PEBP4: variants seen among roughly 807,000 people sequenced by gnomAD.
PEBP4 encodes the protein phosphatidylethanolamine-binding protein 4.
PEBP4 carries 22 observed loss-of-function variants against 23.9 expected under a neutral mutation model. The ratio of observed to expected loss-of-function variants is 0.92; its 90% CI spans 0.66 to 1.31. The LOEUF (loss-of-function observed/expected upper bound fraction) is 1.31, where lower values mean the gene tolerates loss of function less well. Ranked by LOEUF, PEBP4 falls within the 40% of genes most tolerant of loss-of-function variation. The pLI is 0.00. For synonymous variants in PEBP4, 112 were observed against 99.3 expected (o/e 1.13, Z -0.76); for missense variants, 324 against 281.7 (o/e 1.15, Z -1.07).
intron 3 of PEBP4, among the ~76,000 whole-genome samples, chr8:22,880,753 G>A (rs1808236037): frequency 6.6e-6 from 1 of 152,206 alleles, no homozygotes; most frequent in Non-Finnish European, 1.5e-5. Flanking sequence ...TGGCCCAGGT[G>A]GACCAGTGAG....
intron 4 of PEBP4, among the ~76,000 whole-genome samples, chr8:22,810,797 T>A (rs1012593297): frequency 6.6e-6 from 1 of 151,134 alleles, no homozygotes; most frequent in Admixed American, 6.6e-5. Context: ...TTGGTTTCCA[T>A]AACGACTTTC....
chr8:22,793,433 ATTTTT>A (rs11315221), intron 4 of PEBP4, among the ~76,000 whole-genome samples: 24 of 120,336 alleles, frequency 2.0e-4, no homozygotes, highest in African/African-American at 6.2e-4. Context: ...CGCCCAGCTC[ATTTTT>A]TTTTTTTTTT....
intron 3 of PEBP4, among the ~76,000 whole-genome samples, chr8:22,869,665 A>AG (rs1257022263): frequency 2.0e-5 from 3 of 152,230 alleles, no homozygotes; most frequent in African/African-American, 7.2e-5. Flanking sequence ...ATACTTGATA[A>AG]TGGACTGGGA....
intron 2 of PEBP4, among the ~76,000 whole-genome samples, chr8:22,923,226 C>A (rs565388238): frequency 1.9e-4 from 29 of 152,280 alleles, no homozygotes; most frequent in African/African-American, 6.5e-4. Flanking sequence ...TTCCTCCAGG[C>A]TTCAGTTTGA....
chr8:22,882,072 G>A (rs1267555949), intron 3 of PEBP4, among the ~76,000 whole-genome samples: 2 of 152,168 alleles, frequency 1.3e-5, no homozygotes, highest in Admixed American at 6.5e-5. Flanking sequence ...CTGGTTTTCT[G>A]TGAAGATTAG....
intron 3 of PEBP4, among the ~76,000 whole-genome samples, chr8:22,908,392 AC>A (rs1197294125): frequency 0.011 from 1,601 of 143,394 alleles, 27 homozygotes; most frequent in African/African-American, 0.038. Flanking sequence ...AAACAAACAA[AC>A]AAAAAAAAAA....
intron 6 of PEBP4, among the ~76,000 whole-genome samples, chr8:22,714,110 T>A (rs111553537): frequency 0.14 from 21,245 of 152,094 alleles, 1,933 homozygotes; most frequent in Middle Eastern, 0.21. Context: ...ATGGCAGAGG[T>A]GGAGGGGCAG....
At chr8:22,898,753 C>T (rs774189756) in intron 3 of PEBP4, among the ~76,000 whole-genome samples, 29 of 152,150 alleles carry the variant, frequency 1.9e-4, no homozygotes, top group African/African-American at 4.3e-4. Flanking sequence ...GGAGATACTC[C>T]TTGTAACAGA....
At chr8:22,833,717 G>A (rs944147148) in intron 3 of PEBP4, among the ~76,000 whole-genome samples, 4 of 152,176 alleles carry the variant, frequency 2.6e-5, no homozygotes, top group Non-Finnish European at 5.9e-5. Flanking sequence ...GTGATTAGTG[G>A]AGAGCCATTT....
intron 3 of PEBP4, among the ~76,000 whole-genome samples, chr8:22,903,146 G>A (rs1298648847): frequency 2.0e-5 from 3 of 152,114 alleles, no homozygotes; most frequent in South Asian, 2.1e-4. Context: ...CGGAAACCGC[G>A]AAATGTTGAG....
chr8:22,896,758 C>T (rs1052066786), intron 3 of PEBP4, among the ~76,000 whole-genome samples: 1 of 152,058 alleles, frequency 6.6e-6, no homozygotes, highest in Admixed American at 6.6e-5. Context: ...TGTCAGGTGC[C>T]TCAACTATGT....
intron 4 of PEBP4, among the ~76,000 whole-genome samples, chr8:22,781,076 C>A (rs1805904884): frequency 6.6e-6 from 1 of 152,230 alleles, no homozygotes; most frequent in Non-Finnish European, 1.5e-5. Context: ...AAGAGGACGG[C>A]GCCTGATTGT....
chr8:22,732,175 G>A (rs771268847), intron 4 of PEBP4, among the ~76,000 whole-genome samples: 24 of 151,962 alleles, frequency 1.6e-4, no homozygotes, highest in East Asian at 1.9e-4. Flanking sequence ...TGGAGGGCCC[G>A]GGGAAGGCAA....
At chr8:22,799,616 C>T (rs1483215973) in intron 4 of PEBP4, among the ~76,000 whole-genome samples, 1 of 152,204 alleles carries the variant, frequency 6.6e-6, no homozygotes, top group African/African-American at 2.4e-5. Context: ...AGGTTTGTTA[C>T]ATAGGTATAC....
At chr8:22,879,597 A>C (rs572400601) in intron 3 of PEBP4, among the ~76,000 whole-genome samples, 1 of 152,142 alleles carries the variant, frequency 6.6e-6, no homozygotes, top group Non-Finnish European at 1.5e-5. Flanking sequence ...AGCTAATTGG[A>C]GGCAGAGCCA....
At chr8:22,770,215 G>T (rs1805689638) in intron 4 of PEBP4, among the ~76,000 whole-genome samples, 1 of 152,208 alleles carries the variant, frequency 6.6e-6, no homozygotes, top group Non-Finnish European at 1.5e-5. Context: ...GAAGCTCTGG[G>T]ACTGGGTCAG....
intron 3 of PEBP4, among the ~76,000 whole-genome samples, chr8:22,828,538 C>T (rs1046565669): frequency 5.3e-5 from 8 of 152,166 alleles, no homozygotes; most frequent in Non-Finnish European, 8.8e-5. Context: ...CCTGAAGATC[C>T]CCTTCCCCTC....
In PEBP4 at chr8:22,728,559, T is replaced by TTCCTTCCTTC. The variant is rs1804667047; in HGVS notation, c.358-1340_358-1339insGAAGGAAGGA. Reference sequence around the variant, plus strand: ...TTCTTCCTTCCTTTCTTTCTTTCTTTCTTCCTTCCTTCCTTCCTTCCTTCC... The same window carrying TTCCTTCCTTC: ...TTCTTCCTTCCTTTCTTTCTTTCTTTTCCTTCCTTCCTTCCTTCCTTCCTTCCTTCCTTCC... On this transcript the variant is annotated intron_variant, in intron 4 of 6. Coordinates refer to ENST00000256404, the MANE Select transcript of PEBP4 (RefSeq NM_144962.3). Among the ~76,000 whole-genome samples the TTCCTTCCTTC allele has an allele frequency of 2.8e-3, 271 of 96,322 alleles. 2 individuals are homozygous for TTCCTTCCTTC. The highest frequency in any genetic ancestry group is 8.1e-3 in the African/African-American group (175 of 21,734). 63.2% of individuals were successfully genotyped at this position (96,322 alleles called of 152,430 possible). A position where few individuals can be genotyped will look rare whatever the true frequency, so the allele number is the denominator to read the frequency against.
At chr8:22,847,943 G>C (rs1807472443) in intron 3 of PEBP4, among the ~76,000 whole-genome samples, 1 of 152,166 alleles carries the variant, frequency 6.6e-6, no homozygotes, top group Non-Finnish European at 1.5e-5. Context: ...AGAAAGAGCT[G>C]AAATGACTTT....
Sources: allele counts gnomAD v4.1 joint callset (sites outside exome capture counted in the v4.1 genomes callset), GRCh38; gene constraint gnomAD v4.1.1; transcripts MANE v1.5; gene names NCBI Gene and HGNC (gene_info 2026-07-23, HGNC 2026-07-21).